RNF169: variants seen among roughly 807,000 people sequenced by gnomAD.
The protein encoded by RNF169 is E3 ubiquitin-protein ligase RNF169.
RNF169 carries 24 observed loss-of-function variants against 53.9 expected under a neutral mutation model. That is an observed-to-expected ratio of 0.45 (90% CI 0.32 to 0.63). RNF169 has a LOEUF of 0.63. Among genes scored for constraint, RNF169 ranks in the 20% least tolerant of loss-of-function variants. The probability of loss-of-function intolerance (pLI) is 0.04; values close to 1 mark genes in which losing one functional copy is unlikely to be tolerated. For synonymous variants in RNF169, 396 were observed against 363.5 expected (o/e 1.09, Z -1.02); for missense variants, 883 against 906.2 (o/e 0.97, Z 0.33).
chr11:74,795,511 C>T (rs1041194700), intron 2 of RNF169, among the ~76,000 whole-genome samples: 1 of 152,148 alleles, frequency 6.6e-6, no homozygotes, highest in Non-Finnish European at 1.5e-5. Context: ...TGAGCACCCA[C>T]AAACATATGT....
In RNF169 at chr11:74,772,482, T is replaced by G. The variant is rs2035275030; in HGVS notation, c.503-17144T>G. Among the ~76,000 whole-genome samples, 3 of 151,746 alleles carry G rather than the reference T, an allele frequency of 2.0e-5. No homozygotes were observed. The South Asian group carries it at 6.2e-4, about 32-fold the overall frequency. The stretch of plus-strand genomic sequence containing the variant: ...CTACTAGGGATGCTGGTTTTTTTTT[T>G]TTTTTTTTTTTACTTTTATGTATTG... On this transcript the variant is annotated intron_variant, in intron 1 of 5. Transcript: ENST00000299563.
rs186978395 is a variant in RNF169, at chr11:74,839,657, G to A, written c.*2927G>A. On this transcript the variant is annotated 3_prime_UTR_variant, in exon 6 of 6. Transcript: ENST00000299563. ...TTATTATTAAAGGGGAAGTTAGGGGGGAGGGTGAAGGTCAGTCTGAGGGGA... is the reference window on the plus strand; with the variant it reads ...TTATTATTAAAGGGGAAGTTAGGGGAGAGGGTGAAGGTCAGTCTGAGGGGA... The A allele has an allele frequency of 1.8e-4, 27 of 152,268 alleles. No individual in the cohort carries two copies. The highest frequency in any genetic ancestry group is 5.3e-4 in the African/African-American group (22 of 41,542). The allele number at this position is 152,268 out of a possible 1,614,324, so 9.4% of individuals were successfully genotyped here.
intron 1 of RNF169, among the ~76,000 whole-genome samples, chr11:74,754,212 C>T (rs1378826303): frequency 6.6e-6 from 1 of 152,124 alleles, no homozygotes; most frequent in African/African-American, 2.4e-5. Flanking sequence ...CATTCCTTAT[C>T]TGTTGATTTA....
intron 1 of RNF169, among the ~76,000 whole-genome samples, chr11:74,781,958 G>T (rs773753651): frequency 2.5e-4 from 38 of 152,186 alleles, no homozygotes; most frequent in Non-Finnish European, 5.0e-4. Context: ...AGTGGGCCTG[G>T]CATGCTACAT....
chr11:74,777,595 C>G (rs2035355167), intron 1 of RNF169, among the ~76,000 whole-genome samples: 2 of 151,958 alleles, frequency 1.3e-5, no homozygotes, highest in Non-Finnish European at 2.9e-5. Flanking sequence ...ACCTTATTCA[C>G]TTTGACTCTA....
At chr11:74,813,072 T>C (rs917206486) in intron 3 of RNF169, among the ~76,000 whole-genome samples, 1 of 152,218 alleles carries the variant, frequency 6.6e-6, no homozygotes, top group Non-Finnish European at 1.5e-5. Flanking sequence ...GTTCAAAAGC[T>C]ATCACATTCA....
intron 1 of RNF169, among the ~76,000 whole-genome samples, chr11:74,751,982 C>G (rs2034902817): frequency 6.6e-6 from 1 of 151,952 alleles, no homozygotes. Flanking sequence ...CCCTGTAATC[C>G]CAGCACTTTG....
chr11:74,837,041 A>C lies in RNF169; in HGVS notation c.*311A>C, dbSNP rs1012940417. 2.3e-5 allele frequency: 5 copies of C among 215,426 alleles called. No individual in the cohort carries two copies. Among genetic ancestry groups the C allele is most frequent in the Admixed American group, 2.1e-4 (4 of 18,960 alleles). The allele number at this position is 215,426 out of a possible 1,614,324, so 13.3% of individuals were successfully genotyped here. A position where few individuals can be genotyped will look rare whatever the true frequency, so the allele number is the denominator to read the frequency against. On this transcript the variant is annotated 3_prime_UTR_variant, in exon 6 of 6. Transcript: ENST00000299563. ...CAGTTAGTAATGGTAAAGAGGGGATACCTTCTTAAACTGATAGACTTCCTG... is the reference window on the plus strand; with the variant it reads ...CAGTTAGTAATGGTAAAGAGGGGATCCCTTCTTAAACTGATAGACTTCCTG...
At chr11:74,785,701 A>G (rs922478946) in intron 1 of RNF169, among the ~76,000 whole-genome samples, 1 of 152,082 alleles carries the variant, frequency 6.6e-6, no homozygotes, top group Non-Finnish European at 1.5e-5. Flanking sequence ...ATCTTAATCC[A>G]ACTAAACTGA....
chr11:74,781,100 C>G (rs1183729754), intron 1 of RNF169, among the ~76,000 whole-genome samples: 1 of 152,194 alleles, frequency 6.6e-6, no homozygotes, highest in African/African-American at 2.4e-5. Flanking sequence ...TAACAGTTCT[C>G]CAGTGTTGAG....
At chr11:74,834,352 C>T (rs1407757896) in intron 4 of RNF169, among the ~76,000 whole-genome samples, 1 of 152,194 alleles carries the variant, frequency 6.6e-6, no homozygotes, top group African/African-American at 2.4e-5. Flanking sequence ...GGTGATTTAA[C>T]ATTGTATCCA....
intron 1 of RNF169, 67 bp from the exon 2 acceptor site, chr11:74,789,559 A>C (rs772948012): frequency 6.6e-5 from 60 of 910,366 alleles, no homozygotes; most frequent in Admixed American, 2.5e-4. Context: ...ACCCACATGT[A>C]TTGTGCCTCC....
chr11:74,777,815 A>G (rs1485491921), intron 1 of RNF169, among the ~76,000 whole-genome samples: 3 of 152,038 alleles, frequency 2.0e-5, no homozygotes, highest in East Asian at 1.9e-4. Flanking sequence ...TTTTGTGCAG[A>G]TGGAGTCTCA....
intron 1 of RNF169, among the ~76,000 whole-genome samples, chr11:74,768,826 C>T (rs1234790777): frequency 1.3e-5 from 2 of 152,020 alleles, no homozygotes; most frequent in African/African-American, 4.8e-5. Context: ...GAGAGGATTG[C>T]TTGAGGCCAG....
In RNF169 at chr11:74,839,159, T is replaced by TC. The variant is rs1223995534; in HGVS notation, c.*2435dup. 6.6e-6 allele frequency: 1 copy of TC among 152,180 alleles called. No individual in the cohort carries two copies. The highest frequency in any genetic ancestry group is 1.5e-5 in the Non-Finnish European group (1 of 68,032). 9.4% of individuals were successfully genotyped at this position (152,180 alleles called of 1,614,324 possible). On this transcript the variant is annotated 3_prime_UTR_variant, in exon 6 of 6. Transcript: ENST00000299563. ...AAACTCTAGGTCCAGCTTACTGCCTTCCCCCCTTGTACCTACAGTGATGCC... is the reference window on the plus strand; with the variant it reads ...AAACTCTAGGTCCAGCTTACTGCCTTCCCCCCCTTGTACCTACAGTGATGCC...
intron 1 of RNF169, among the ~76,000 whole-genome samples, chr11:74,768,468 G>C (rs548450194): frequency 3.3e-5 from 5 of 152,086 alleles, no homozygotes; most frequent in Non-Finnish European, 7.4e-5. Context: ...TTAGTCAGGC[G>C]TGATGGCGCA....
chr11:74,815,115 T>C (rs1304553965), intron 3 of RNF169, among the ~76,000 whole-genome samples: 2 of 152,196 alleles, frequency 1.3e-5, no homozygotes, highest in African/African-American at 2.4e-5. Context: ...TGTACCATTT[T>C]AGGAATCCAT....
At chr11:74,815,502 G>A (rs2035931292) in intron 3 of RNF169, among the ~76,000 whole-genome samples, 1 of 152,096 alleles carries the variant, frequency 6.6e-6, no homozygotes, top group African/African-American at 2.4e-5. Context: ...GTTGCAGTGT[G>A]CCGGGATCGT....
At position 74,748,871 on chromosome 11, in the gene RNF169, G is replaced by C. The variant is rs1411094647; in HGVS notation, c.-10G>C. ...CTCGCAACCGACTCTCCCTTCAAACGGGAAACAAGATGGCGGCTGCAGGTC... is the reference window on the plus strand; with the variant it reads ...CTCGCAACCGACTCTCCCTTCAAACCGGAAACAAGATGGCGGCTGCAGGTC... On this transcript the variant is annotated 5_prime_UTR_variant, in exon 1 of 6. Transcript: ENST00000299563. The C allele has an allele frequency of 1.4e-6, 2 of 1,404,572 alleles. No individual in the cohort carries two copies. Among genetic ancestry groups the C allele is most frequent in the East Asian group, 2.8e-5 (1 of 35,098 alleles). 87.0% of individuals were successfully genotyped at this position (1,404,572 alleles called of 1,614,324 possible). A position where few individuals can be genotyped will look rare whatever the true frequency, so the allele number is the denominator to read the frequency against.
Sources: allele counts gnomAD v4.1 joint callset (sites outside exome capture counted in the v4.1 genomes callset), GRCh38; gene constraint gnomAD v4.1.1; transcripts MANE v1.5; gene names NCBI Gene and HGNC (gene_info 2026-07-23, HGNC 2026-07-21).